A2M: variants seen among roughly 807,000 people sequenced by gnomAD.
A2M encodes C3 and PZP-like alpha-2-macroglobulin domain-containing protein 5.
A2M carries 128 observed loss-of-function variants against 183.9 expected under a neutral mutation model. The observed-to-expected ratio is 0.70, with a 90% CI of 0.60 to 0.81. The LOEUF is 0.81. Ranked by LOEUF, A2M falls within the 30% of genes least tolerant of loss-of-function variation. The pLI, the probability that A2M is intolerant of heterozygous loss-of-function variation, is 0.00. For synonymous variants in A2M, 592 were observed against 670.8 expected (o/e 0.88, Z 1.81); for missense variants, 1,495 against 1,787.6 (o/e 0.84, Z 2.95).
intron 11 of A2M, 110 bp downstream of exon 11, chr12:9,104,128 GT>G (rs1938101427): frequency 1.8e-6 from 2 of 1,122,624 alleles, no homozygotes; most frequent in Middle Eastern, 2.0e-4. Flanking sequence ...CTAATTGCTA[GT>G]TTTTTTCTCT....
At chr12:9,086,914 G>A (rs1949068091) in intron 22 of A2M, among the ~76,000 whole-genome samples, 1 of 152,078 alleles carries the variant, frequency 6.6e-6, no homozygotes, top group Non-Finnish European at 1.5e-5. Context: ...AGGGCTGCAA[G>A]AACTTATAAA....
At chr12:9,085,965 C>G (rs768212769) in intron 22 of A2M, among the ~76,000 whole-genome samples, 1 of 152,034 alleles carries the variant, frequency 6.6e-6, no homozygotes, top group Non-Finnish European at 1.5e-5. Context: ...AAAATCTGAA[C>G]TGACAAATAA....
intron 8 of A2M, among the ~76,000 whole-genome samples, chr12:9,107,228 G>A (rs1938363441): frequency 6.6e-6 from 1 of 152,108 alleles, no homozygotes; most frequent in African/African-American, 2.4e-5. Flanking sequence ...CTGATGGCCT[G>A]GCCAGCTAAG....
At chr12:9,081,060 T>A (rs1948894572) in intron 22 of A2M, among the ~76,000 whole-genome samples, 2 of 152,066 alleles carry the variant, frequency 1.3e-5, no homozygotes, top group African/African-American at 4.8e-5. Context: ...TTAAAACTTT[T>A]GTAAAAAAAC....
intron 21 of A2M, 115 bp downstream of exon 21, chr12:9,089,787 G>T: frequency 1.3e-6 from 1 of 767,814 alleles, no homozygotes. Context: ...TAAATCAAGA[G>T]AGAGATAGGA....
chr12:9,089,433 A>C (rs1457709361), intron 21 of A2M, among the ~76,000 whole-genome samples, 182 bp from the exon 22 acceptor site: 1 of 152,172 alleles, frequency 6.6e-6, no homozygotes, highest in Non-Finnish European at 1.5e-5. Context: ...AAATGAAGGA[A>C]AAATTAAGAA....
chr12:9,090,026 G>GT lies in A2M; in HGVS notation c.2597-4_2597-3insA, dbSNP rs1555156916. ...GCTCACAGTGAAATTCACATTTCCT[G>GT]AAAAAAAAGGCCAGTAGAAATGAAT... On this transcript the variant is annotated splice_polypyrimidine_tract_variant and splice_region_variant and intron_variant, in intron 20 of 35. Transcript: ENST00000318602. 25 of 1,576,390 alleles carry GT rather than the reference G, an allele frequency of 1.6e-5. No homozygotes were observed. The East Asian group carries it at 2.0e-4, about 13-fold the overall frequency.
At chr12:9,069,712 G>A (rs774298769) in intron 33 of A2M, 33 bp downstream of exon 33, 9 of 1,564,842 alleles carry the variant, frequency 5.8e-6, no homozygotes, top group South Asian at 2.3e-5. Flanking sequence ...TATTATCTAC[G>A]TTTTTTTGCA....
chr12:9,098,849 A>G (rs929759217), intron 14 of A2M, 93 bp from the exon 15 acceptor site: 6 of 1,415,846 alleles, frequency 4.2e-6, no homozygotes, highest in East Asian at 2.5e-5. Context: ...TGTACAATGT[A>G]TAACCACTCT....
At chr12:9,110,458 G>T in intron 4 of A2M, 124 bp from the exon 5 acceptor site, 1 of 527,706 alleles carries the variant, frequency 1.9e-6, no homozygotes, top group Non-Finnish European at 3.2e-6. Context: ...TAATTTAATT[G>T]TACATTTAAA....
At position 9,080,705 on chromosome 12, in the gene A2M, A is replaced by G. The variant is rs1402909684; in HGVS notation, c.2771-528T>C. ...CTAGAAAATTGAGGGTAAGGAAGTG[A>G]AGACGAACAGTATTTGATGCATTGA... is the stretch of plus-strand genomic sequence containing the variant. On this transcript the variant is annotated intron_variant, in intron 22 of 35. Transcript: ENST00000318602. Among the ~76,000 whole-genome samples, 4 of 152,368 alleles carry G rather than the reference A, an allele frequency of 2.6e-5. No individual in the cohort carries two copies. In the South Asian group the frequency reaches 8.3e-4, roughly 32 times the overall value.
At chr12:9,111,962 G>A in intron 4 of A2M, 197 bp downstream of exon 4, 1 of 747,472 alleles carries the variant, frequency 1.3e-6, no homozygotes, top group Non-Finnish European at 2.5e-6. Context: ...CTGAGTACCA[G>A]CACCAAGACA....
At chr12:9,115,670 T>C (rs1446764061) in intron 1 of A2M, 94 bp downstream of exon 1, 2 of 907,664 alleles carry the variant, frequency 2.2e-6, no homozygotes, top group Non-Finnish European at 3.6e-6. Flanking sequence ...AAGATGACAG[T>C]ATCATAGGAA....
At chr12:9,069,043 A>G in intron 33 of A2M, 1 of 471,352 alleles carries the variant, frequency 2.1e-6, no homozygotes, top group South Asian at 4.3e-5. Flanking sequence ...AACATAACGC[A>G]TATACCTCTG....
At chr12:9,112,759 T>C in intron 2 of A2M, 1 of 537,670 alleles carries the variant, frequency 1.9e-6, no homozygotes, top group South Asian at 2.1e-5. Context: ...AGGTTGTAAG[T>C]GAGATTCACA....
At chr12:9,102,914 A>G (rs1195057493) in intron 11 of A2M, among the ~76,000 whole-genome samples, 1 of 152,178 alleles carries the variant, frequency 6.6e-6, no homozygotes, top group African/African-American at 2.4e-5. Context: ...TTTCTCTATA[A>G]CAAGGTAAAA....
At chr12:9,103,659 C>T (rs226392) in intron 11 of A2M, among the ~76,000 whole-genome samples, 85,257 of 152,048 alleles carry the variant, frequency 0.56, 25,529 homozygotes, top group African/African-American at 0.76. Flanking sequence ...GTGAATCATA[C>T]AGTATTGGTC....
intron 7 of A2M, 60 bp downstream of exon 7, chr12:9,109,261 C>A (rs1262656120): frequency 3.0e-5 from 42 of 1,394,662 alleles, no homozygotes; most frequent in Non-Finnish European, 4.0e-5. Flanking sequence ...TTAAAATATC[C>A]CAAATGGTGA....
intron 2 of A2M, 71 bp from the exon 3 acceptor site, chr12:9,112,607 T>C: frequency 1.3e-6 from 2 of 1,550,812 alleles, no homozygotes; most frequent in Non-Finnish European, 1.8e-6. Context: ...GCTGTTGCAC[T>C]CTTCCCTGGA....
Sources: allele counts gnomAD v4.1 joint callset (sites outside exome capture counted in the v4.1 genomes callset), GRCh38; gene constraint gnomAD v4.1.1; transcripts MANE v1.5; gene names NCBI Gene and HGNC (gene_info 2026-07-23, HGNC 2026-07-21).